Variants in PAN3 observed in about 807,000 individuals in gnomAD.
PAN3 encodes poly(A) specific ribonuclease subunit PAN3.
In PAN3, 19 loss-of-function variants were observed where a neutral mutation model predicts 96.2. That is an observed-to-expected ratio of 0.20 (90% CI 0.14 to 0.29). The LOEUF is 0.29. Among genes scored for constraint, PAN3 ranks in the 10% least tolerant of loss-of-function variants. The pLI, the probability that PAN3 is intolerant of heterozygous loss-of-function variation, is 1.00. For missense variants in PAN3, 882 were observed against 1,108.1 expected (o/e 0.80, Z 2.90); for synonymous variants, 433 against 406.6 (o/e 1.06, Z -0.78).
Position 28,161,662 on chromosome 13 carries a change from T to C in PAN3, c.431-12610T>C, listed in dbSNP as rs145314668. Among the ~76,000 whole-genome samples the C allele has an allele frequency of 9.6e-3, 1,455 of 152,300 alleles. 66 individuals carry two copies. The highest frequency in any genetic ancestry group is 0.076 in the Admixed American group (1,154 of 15,284). On this transcript the variant is annotated intron_variant, in intron 1 of 18. Coordinates refer to ENST00000380958, the MANE Select transcript of PAN3 (RefSeq NM_175854.8). ...TGAGATAATAACCTGAAATGCCTTATGGAGCTTCGGAGTTAGGTAGAGAAT... is the reference window on the plus strand; with the variant it reads ...TGAGATAATAACCTGAAATGCCTTACGGAGCTTCGGAGTTAGGTAGAGAAT...
chr13:28,214,104 A>G (rs1290781612), intron 5 of PAN3, among the ~76,000 whole-genome samples: 1 of 152,200 alleles, frequency 6.6e-6, no homozygotes, highest in African/African-American at 2.4e-5. Flanking sequence ...AAAAAAAAAT[A>G]AAAAATCACA....
chr13:28,283,871 C>T (rs1156698030), intron 17 of PAN3, among the ~76,000 whole-genome samples: 1 of 152,156 alleles, frequency 6.6e-6, no homozygotes, highest in Admixed American at 6.5e-5. Flanking sequence ...AACCACTATG[C>T]TATGTGTCTC....
Position 28,251,006 on chromosome 13 carries a change from C to A in PAN3, c.1001-5286C>A, listed in dbSNP as rs1463381799. On this transcript the variant is annotated intron_variant, in intron 6 of 18. Transcript: ENST00000380958. ...TTATTTCTGGTTAATTTCCTCAGAT[C>A]TTTATTTATTTATTTATTGTTTCCC... Among the ~76,000 whole-genome samples the A allele has an allele frequency of 9.2e-5, 14 of 151,892 alleles. No homozygotes were observed. The South Asian group carries it at 2.9e-3, about 32-fold the overall frequency.
intron 7 of PAN3, among the ~76,000 whole-genome samples, chr13:28,260,243 A>C (rs1230942154): frequency 6.6e-6 from 1 of 151,958 alleles, no homozygotes; most frequent in Non-Finnish European, 1.5e-5. Flanking sequence ...CAAAAATACA[A>C]AAATTAGCTG....
Position 28,256,404 on chromosome 13 carries a change from G to T in PAN3, c.1113G>T (p.Val371=), listed in dbSNP as rs780421332. The change falls in exon 7 of 19, where the codon GTG becomes GTT. Residue 371 remains valine (V), a synonymous_variant. Coordinates refer to ENST00000380958, the MANE Select transcript of PAN3 (RefSeq NM_175854.8). The part of the protein sequence containing the change: ...SHTPNPASYM[V]PSSASTSVNN... ...CTCCAAATCCAGCAAGTTACATGGT[G>T]CCTTCTAGTGCCTCTACATCTGTTA... 2 of 1,614,062 alleles carry T rather than the reference G, an allele frequency of 1.2e-6. No individual in the cohort carries two copies. Among genetic ancestry groups the T allele is most frequent in the Non-Finnish European group, 1.7e-6 (2 of 1,179,948 alleles).
chr13:28,140,064 C>CT (rs1220927291), intron 1 of PAN3, among the ~76,000 whole-genome samples: 1 of 152,176 alleles, frequency 6.6e-6, no homozygotes, highest in African/African-American at 2.4e-5. Flanking sequence ...TCTGTTGCCT[C>CT]TGCCTACGGA....
intron 6 of PAN3, among the ~76,000 whole-genome samples, chr13:28,249,699 C>T (rs1334351855): frequency 6.6e-6 from 1 of 152,206 alleles, no homozygotes; most frequent in Non-Finnish European, 1.5e-5. Context: ...ATCTACCCGT[C>T]TCAGCCTCCC....
In PAN3 at chr13:28,138,695, C is replaced by T. The variant is rs1366234575; in HGVS notation, c.38C>T (p.Ala13Val). Residue 13 changes from alanine (A) to valine (V), a missense_variant, in exon 1 of 19, where the codon GCC becomes GTC. Around this residue, in one of 3 missense-constraint regions of PAN3, gnomAD observed 442 missense variants for 422.8 expected, o/e 1.05. Coordinates refer to ENST00000380958, the MANE Select transcript of PAN3 (RefSeq NM_175854.8). Reference protein sequence around the residue: ...SGGGLPPPSAAASPSSSSLAA... With the variant: ...SGGGLPPPSAVASPSSSSLAA... ...GGCGGCCTCCCGCCCCCCTCGGCCG[C>T]CGCCTCCCCTTCCTCCTCCTCGCTG... 3 of 1,064,842 alleles carry T rather than the reference C, an allele frequency of 2.8e-6. No homozygotes were observed. The highest frequency in any genetic ancestry group is 3.7e-6 in the Non-Finnish European group (3 of 811,152). 66.0% of individuals were successfully genotyped at this position (1,064,842 alleles called of 1,614,324 possible).
At chr13:28,225,529 C>T (rs1413706296) in intron 6 of PAN3, among the ~76,000 whole-genome samples, 1 of 152,178 alleles carries the variant, frequency 6.6e-6, no homozygotes, top group Non-Finnish European at 1.5e-5. Flanking sequence ...TTTACATAGT[C>T]CAGCCTTGCG....
At chr13:28,175,769 A>G (rs533208766) in intron 2 of PAN3, among the ~76,000 whole-genome samples, 2 of 152,330 alleles carry the variant, frequency 1.3e-5, no homozygotes, top group South Asian at 2.1e-4. Flanking sequence ...GTGAGCCACA[A>G]TTTCAGGTAC....
At chr13:28,176,593 G>T in intron 3 of PAN3, 34 bp downstream of exon 3, 1 of 1,582,672 alleles carries the variant, frequency 6.3e-7, no homozygotes, top group African/African-American at 1.3e-5. Context: ...ATGTGTGTCT[G>T]TGTATATATT....
chr13:28,215,182 C>A (rs1166234099), intron 5 of PAN3: 10 of 712,148 alleles, frequency 1.4e-5, no homozygotes, highest in Non-Finnish European at 1.8e-5. Flanking sequence ...GATGGCAGCA[C>A]CAGTGGAACC....
chr13:28,236,186 CTG>C (rs1883091800), intron 6 of PAN3, among the ~76,000 whole-genome samples: 1 of 152,136 alleles, frequency 6.6e-6, no homozygotes, highest in Non-Finnish European at 1.5e-5. Flanking sequence ...AGAATGTGAA[CTG>C]TGTGAGTTTA....
intron 1 of PAN3, among the ~76,000 whole-genome samples, chr13:28,148,497 A>G (rs1212979537): frequency 6.6e-6 from 1 of 152,148 alleles, no homozygotes; most frequent in Non-Finnish European, 1.5e-5. Flanking sequence ...AATAAGAACA[A>G]TATCTTGTTT....
At chr13:28,201,380 T>G (rs1878677097) in intron 5 of PAN3, among the ~76,000 whole-genome samples, 1 of 151,734 alleles carries the variant, frequency 6.6e-6, no homozygotes, top group Non-Finnish European at 1.5e-5. Context: ...ATAAAAAAAT[T>G]TTTATAATAC....
At chr13:28,170,561 GAAAAGCATTT>G (rs1874172078) in intron 1 of PAN3, among the ~76,000 whole-genome samples, 1 of 152,124 alleles carries the variant, frequency 6.6e-6, no homozygotes. Flanking sequence ...CCTTTGAAGT[GAAAAGCATTT>G]AAAATCAAAA....
intron 1 of PAN3, among the ~76,000 whole-genome samples, chr13:28,160,159 C>G (rs148737289): frequency 2.2e-4 from 33 of 152,232 alleles, no homozygotes; most frequent in African/African-American, 6.5e-4. Flanking sequence ...CCAGGCTGGT[C>G]TCAAACTCCT....
intron 1 of PAN3, among the ~76,000 whole-genome samples, chr13:28,163,750 G>T (rs1873179216): frequency 6.6e-6 from 1 of 152,178 alleles, no homozygotes. Context: ...GGAGGAGAAA[G>T]TTCAATCGTT....
intron 1 of PAN3, among the ~76,000 whole-genome samples, chr13:28,167,472 T>TAATC (rs1312353365): frequency 1.3e-5 from 2 of 152,044 alleles, no homozygotes; most frequent in African/African-American, 4.8e-5. Context: ...AATACCCATT[T>TAATC]TTAATCTTTA....
Sources: allele counts gnomAD v4.1 joint callset (sites outside exome capture counted in the v4.1 genomes callset), GRCh38; gene constraint gnomAD v4.1.1; regional missense constraint gnomAD v4.1.1; transcripts MANE v1.5; gene names NCBI Gene and HGNC (gene_info 2026-07-23, HGNC 2026-07-21).